PCDHGA4: variants seen among roughly 807,000 people sequenced by gnomAD.
PCDHGA4 encodes protocadherin gamma-A4.
PCDHGA4 carries 38 observed loss-of-function variants against 54.6 expected under a neutral mutation model. The ratio of observed to expected loss-of-function variants is 0.70; its 90% CI spans 0.54 to 0.91. PCDHGA4 has a LOEUF of 0.91. Among genes scored for constraint, PCDHGA4 ranks in the 40% least tolerant of loss-of-function variants. The pLI is 0.00. For missense variants in PCDHGA4, 1,298 were observed against 1,220.9 expected (o/e 1.06, Z -0.94); for synonymous variants, 511 against 512.9 (o/e 1.00, Z 0.05).
chr5:141,357,227 G>T lies in PCDHGA4; in HGVS notation c.2120G>T (p.Gly707Val). ...DSIPDVLADL[G>V]SLKPSADPDD... ...ATCCCAGATGTCCTGGCTGACTTGG[G>T]CAGCCTCAAGCCTTCAGCAGACCCA... Residue 707 changes from glycine to valine, a missense_variant, in exon 1 of 4, where the codon GGC (glycine) becomes GTC (valine). By Grantham distance (109) the Gly-to-Val change is moderately radical (BLOSUM62 -3). Transcript: ENST00000571252. 6.2e-7 allele frequency: 1 copy of T among 1,613,714 alleles called. No homozygotes were observed. Among genetic ancestry groups the T allele is most frequent in the Non-Finnish European group, 8.5e-7 (1 of 1,179,812 alleles).
intron 1 of PCDHGA4, among the ~76,000 whole-genome samples, chr5:141,481,300 GA>G (rs998363845): frequency 3.3e-5 from 5 of 152,248 alleles, no homozygotes; most frequent in African/African-American, 1.2e-4. Context: ...TCATCTAAGG[GA>G]AAAACCTTCC....
intron 1 of PCDHGA4, chr5:141,365,998 C>G: frequency 6.2e-7 from 1 of 1,614,234 alleles, no homozygotes. Context: ...TGGACCAGAA[C>G]GACAATACGC....
chr5:141,453,288 A>G (rs931678565), intron 1 of PCDHGA4, among the ~76,000 whole-genome samples: 1 of 151,342 alleles, frequency 6.6e-6, no homozygotes, highest in Non-Finnish European at 1.5e-5. Context: ...TAATTTTTTA[A>G]TTATTTATTT....
At chr5:141,372,777 GA>G in intron 1 of PCDHGA4, 1 of 1,609,460 alleles carries the variant, frequency 6.2e-7, no homozygotes, top group East Asian at 2.2e-5. Flanking sequence ...TGACAATCCA[GA>G]AATGCCTTCT....
intron 1 of PCDHGA4, among the ~76,000 whole-genome samples, chr5:141,466,704 T>C (rs1175063183): frequency 6.6e-6 from 1 of 152,202 alleles, no homozygotes; most frequent in Admixed American, 6.5e-5. Context: ...AAATTTGATG[T>C]CTGTTCTTGT....
At chr5:141,480,695 C>T (rs2099523656) in intron 1 of PCDHGA4, among the ~76,000 whole-genome samples, 2 of 152,146 alleles carry the variant, frequency 1.3e-5, no homozygotes, top group African/African-American at 4.8e-5. Context: ...GAAACCCAGG[C>T]CACACCCCGA....
chr5:141,418,396 A>G lies in PCDHGA4; in HGVS notation c.2514+60775A>G, dbSNP rs139206858. 4.9e-3 allele frequency: 7,975 copies of G among 1,613,844 alleles called. 44 individuals are homozygous for G. The highest frequency in any genetic ancestry group is 9.4e-3 in the Admixed American group (567 of 60,030). On this transcript the variant is annotated intron_variant, in intron 1 of 3. Coordinates refer to ENST00000571252, the MANE Select transcript of PCDHGA4 (RefSeq NM_018917.4). Reference sequence around the variant, plus strand: ...AACTAAGTCCTAACGAGTATTTCTCATTGGTGGAGAAAGACAATCCTGATG... The same window carrying G: ...AACTAAGTCCTAACGAGTATTTCTCGTTGGTGGAGAAAGACAATCCTGATG...
intron 1 of PCDHGA4, chr5:141,420,119 T>C: frequency 6.2e-7 from 1 of 1,614,044 alleles, no homozygotes; most frequent in Non-Finnish European, 8.5e-7. Context: ...TGCCTATAAT[T>C]TTTGTGTGCC....
intron 1 of PCDHGA4, chr5:141,393,700 A>T: frequency 6.2e-7 from 1 of 1,613,934 alleles, no homozygotes; most frequent in Non-Finnish European, 8.5e-7. Context: ...CAGCTTAATG[A>T]AAATACTGGG....
At position 141,486,348 on chromosome 5, in the gene PCDHGA4, A is replaced by G. The variant is rs754981437; in HGVS notation, c.2515-8459A>G. ...GATGTGAGCCTCCGCATTCCTGACC[A>G]CTTGCCATTTGCCCTCAAGTCTGCC... is the stretch of plus-strand genomic sequence containing the variant. On this transcript the variant is annotated intron_variant, in intron 1 of 3. Transcript: ENST00000571252. The surrounding 1 kb of genome is among the most constrained non-coding windows in gnomAD (Gnocchi z 5.0). 1.9e-6 allele frequency: 3 copies of G among 1,613,900 alleles called. No individual in the cohort carries two copies. The highest frequency in any genetic ancestry group is 2.5e-6 in the Non-Finnish European group (3 of 1,179,996).
At chr5:141,427,156 T>G (rs533425641) in intron 1 of PCDHGA4, 10 of 456,890 alleles carry the variant, frequency 2.2e-5, no homozygotes, top group African/African-American at 2.0e-4. Flanking sequence ...AATATGTTTG[T>G]GCTAGACCAT....
chr5:141,401,822 C>T (rs1340105226), intron 1 of PCDHGA4, among the ~76,000 whole-genome samples: 1 of 152,188 alleles, frequency 6.6e-6, no homozygotes, highest in Non-Finnish European at 1.5e-5. Flanking sequence ...TTACAAAGTG[C>T]TGAGATTTCT....
intron 1 of PCDHGA4, chr5:141,390,655 A>G (rs2092202484): frequency 4.9e-6 from 1 of 204,734 alleles, no homozygotes; most frequent in Non-Finnish European, 9.8e-6. Flanking sequence ...GCTTGGATAT[A>G]CCATAAATAT....
intron 1 of PCDHGA4, chr5:141,367,157 T>G (rs2149904329): frequency 6.2e-6 from 1 of 161,546 alleles, no homozygotes; most frequent in East Asian, 1.8e-4. Flanking sequence ...GGACTGATAT[T>G]TTAGTCTACC....
intron 1 of PCDHGA4, chr5:141,357,842 G>A (rs1294763389): frequency 9.6e-6 from 6 of 624,532 alleles, no homozygotes; most frequent in Non-Finnish European, 2.7e-6. Context: ...TTCAGTTGTA[G>A]TTTCAGCCAG....
Position 141,485,175 on chromosome 5 carries a change from T to C in PCDHGA4, c.2515-9632T>C, listed in dbSNP as rs2099608731. ...GTAGAGAATTAGCGGGCGGCAGCAA[T>C]GCTCCGCAAGGTGAGAAGCTGGACA... On this transcript the variant is annotated intron_variant, in intron 1 of 3. Coordinates refer to ENST00000571252, the MANE Select transcript of PCDHGA4 (RefSeq NM_018917.4). The surrounding 1 kb of genome is among the most constrained non-coding windows in gnomAD (Gnocchi z 5.7). 6.2e-7 allele frequency: 1 copy of C among 1,611,486 alleles called. No homozygotes were observed. Among genetic ancestry groups the C allele is most frequent in the Non-Finnish European group, 8.5e-7 (1 of 1,177,998 alleles).
chr5:141,420,229 C>A (rs1206296211), intron 1 of PCDHGA4: 1 of 1,600,344 alleles, frequency 6.2e-7, no homozygotes, highest in South Asian at 1.1e-5. Flanking sequence ...TACTGGCTAG[C>A]ATTTTAACTC....
At position 141,511,248 on chromosome 5, in the gene PCDHGA4, C is replaced by T; in HGVS notation, c.*75C>T. ...AGCTTCTCCTTACCTGCACCCAGGC[C>T]TCAGAGTTTCAGGGCTAACCCCCAG... On this transcript the variant is annotated 3_prime_UTR_variant, in exon 4 of 4. Transcript: ENST00000571252. 6.4e-7 allele frequency: 1 copy of T among 1,574,736 alleles called. No homozygotes were observed. The highest frequency in any genetic ancestry group is 8.6e-7 in the Non-Finnish European group (1 of 1,160,336).
At chr5:141,399,564 G>C (rs1284243936) in intron 1 of PCDHGA4, 3 of 1,614,038 alleles carry the variant, frequency 1.9e-6, no homozygotes, top group East Asian at 4.5e-5. Flanking sequence ...ACTTGGGGTT[G>C]AACGGCCAAG....
Sources: allele counts gnomAD v4.1 joint callset (sites outside exome capture counted in the v4.1 genomes callset), GRCh38; gene constraint gnomAD v4.1.1; non-coding constraint Gnocchi (gnomAD v3.1); transcripts MANE v1.5; gene names NCBI Gene and HGNC (gene_info 2026-07-23, HGNC 2026-07-21).